DAB1: variants seen among roughly 807,000 people sequenced by gnomAD.
DAB1 encodes DAB adaptor protein 1, also known as disabled homolog 1.
A neutral mutation model predicts 64.6 loss-of-function variants in DAB1; 15 were observed. The observed-to-expected ratio is 0.23, with a 90% CI of 0.16 to 0.36. The LOEUF (loss-of-function observed/expected upper bound fraction) is 0.36, where lower values mean the gene tolerates loss of function less well. Among genes scored for constraint, DAB1 ranks in the 10% least tolerant of loss-of-function variants. DAB1 has a pLI of 1.00. For synonymous variants in DAB1, 235 were observed against 251.9 expected (o/e 0.93, Z 0.64); for missense variants, 596 against 706.7 (o/e 0.84, Z 1.78).
In DAB1 at chr1:58,360,714, CTGCGCTAA is replaced by C. The variant is rs1002735879; in HGVS notation, n.258-17319_258-17312del. On this transcript the variant is annotated intron_variant and non_coding_transcript_variant, in intron 3 of 20. Coordinates refer to the DAB1 transcript ENST00000485760. ...CAGAACATTTGCAGAAAGTCAAATA[CTGCGCTAA>C]TGAGAGAGTGTCAGGCTCAGGAGCA... is the stretch of plus-strand genomic sequence containing the variant. 1.6e-4 allele frequency among the ~76,000 whole-genome samples: 25 copies of C among 152,108 alleles called. No homozygotes were observed. In the East Asian group the frequency reaches 4.5e-3, roughly 27 times the overall value.
intron 6 of DAB1, among the ~76,000 whole-genome samples, chr1:57,763,963 C>G (rs10493232): frequency 0.2 from 30,948 of 152,046 alleles, 4,249 homozygotes; most frequent in East Asian, 0.5. Context: ...GTTTGTCTAT[C>G]AGGTAAGTAG....
intron 3 of DAB1, among the ~76,000 whole-genome samples, chr1:58,463,518 G>A (rs1162913757): frequency 6.6e-6 from 1 of 152,218 alleles, no homozygotes; most frequent in East Asian, 1.9e-4. Flanking sequence ...TCATGTTCAA[G>A]GCATATGGTG....
chr1:57,848,596 C>G (rs1328927315), intron 1 of DAB1, among the ~76,000 whole-genome samples: 1 of 152,160 alleles, frequency 6.6e-6, no homozygotes, highest in Non-Finnish European at 1.5e-5. Context: ...CTAGGCCAGA[C>G]AGAAGTAGCT....
intron 3 of DAB1, among the ~76,000 whole-genome samples, chr1:58,380,839 C>T (rs1047525217): frequency 2.6e-5 from 4 of 152,136 alleles, no homozygotes; most frequent in Non-Finnish European, 5.9e-5. Context: ...TAAGCTGGGA[C>T]GCATATATTC....
At chr1:58,529,036 C>T (rs929370679) in intron 1 of DAB1, among the ~76,000 whole-genome samples, 2 of 152,246 alleles carry the variant, frequency 1.3e-5, no homozygotes, top group African/African-American at 2.4e-5. Flanking sequence ...AAAATAACCA[C>T]ATTAATTCTT....
At chr1:58,215,440 G>T (rs1351926923) in intron 4 of DAB1, among the ~76,000 whole-genome samples, 1 of 150,108 alleles carries the variant, frequency 6.7e-6, no homozygotes, top group Non-Finnish European at 1.5e-5. Context: ...ATTTCCAAAA[G>T]ATATATGTAA....
chr1:57,693,472 C>T (rs1646788192), intron 6 of DAB1, among the ~76,000 whole-genome samples: 1 of 152,126 alleles, frequency 6.6e-6, no homozygotes, highest in South Asian at 2.1e-4. Flanking sequence ...ATTGTAAATG[C>T]ACTAAGCACT....
intron 7 of DAB1, among the ~76,000 whole-genome samples, chr1:57,582,174 C>A (rs115141329): frequency 3.5e-3 from 530 of 152,304 alleles, no homozygotes; most frequent in South Asian, 9.1e-3. Context: ...TATAAAGATA[C>A]CACCTGAGCC....
chr1:57,180,857 T>G (rs1662847423), intron 2 of DAB1, among the ~76,000 whole-genome samples: 1 of 152,164 alleles, frequency 6.6e-6, no homozygotes, highest in South Asian at 2.1e-4. Flanking sequence ...TCTACCCCAG[T>G]CTCCTGTAGA....
chr1:58,109,319 C>A (rs1424122358), intron 5 of DAB1, among the ~76,000 whole-genome samples: 2 of 152,182 alleles, frequency 1.3e-5, no homozygotes, highest in Non-Finnish European at 2.9e-5. Flanking sequence ...TAGGGTCAGG[C>A]CTCTGCCTGC....
At chr1:57,554,765 C>T (rs1644967157) in intron 7 of DAB1, among the ~76,000 whole-genome samples, 1 of 152,132 alleles carries the variant, frequency 6.6e-6, no homozygotes, top group Non-Finnish European at 1.5e-5. Flanking sequence ...TTTAATGAAA[C>T]ACTAGCCTAC....
intron 3 of DAB1, among the ~76,000 whole-genome samples, chr1:57,137,103 AAAT>A (rs1658193591): frequency 6.6e-6 from 1 of 152,202 alleles, no homozygotes; most frequent in African/African-American, 2.4e-5. Flanking sequence ...AGATAATAGA[AAAT>A]AAAAACAAAT....
intron 9 of DAB1, among the ~76,000 whole-genome samples, chr1:57,054,699 C>T (rs1173201924): frequency 3.9e-5 from 6 of 152,012 alleles, no homozygotes; most frequent in African/African-American, 1.4e-4. Flanking sequence ...AGGATGGTCT[C>T]GATCTCCTGA....
In DAB1 at chr1:57,946,370, C is replaced by T. The variant is rs116345458; in HGVS notation, n.388-62208G>A. On this transcript the variant is annotated intron_variant and non_coding_transcript_variant, in intron 5 of 20. Transcript: ENST00000485760. The stretch of plus-strand genomic sequence containing the variant: ...CTAATAGCAAGTCATGGTGCCCAAA[C>T]CCCTGACTGCTTGTTATTCCACAAA... 8.6e-3 allele frequency among the ~76,000 whole-genome samples: 1,306 copies of T among 152,300 alleles called. 15 individuals are homozygous for T. The highest frequency in any genetic ancestry group is 0.03 in the African/African-American group (1,236 of 41,554).
chr1:58,394,343 T>C (rs1644501262), intron 3 of DAB1, among the ~76,000 whole-genome samples: 4 of 152,244 alleles, frequency 2.6e-5, no homozygotes, highest in East Asian at 1.9e-4. Context: ...CCATATAACA[T>C]AGAAATCCTA....
At chr1:57,837,113 C>T (rs76061494) in intron 1 of DAB1, among the ~76,000 whole-genome samples, 252 of 152,306 alleles carry the variant, frequency 1.7e-3, no homozygotes, top group African/African-American at 5.8e-3. Flanking sequence ...TCTCAGGCTA[C>T]AACAGTAGTC....
At chr1:57,879,279 A>C (rs1331480941) in intron 1 of DAB1, among the ~76,000 whole-genome samples, 1 of 152,186 alleles carries the variant, frequency 6.6e-6, no homozygotes, top group East Asian at 1.9e-4. Context: ...CCATTTCCAG[A>C]AATGGTCCCT....
At chr1:58,023,454 G>C (rs1333947957) in intron 5 of DAB1, among the ~76,000 whole-genome samples, 1 of 152,090 alleles carries the variant, frequency 6.6e-6, no homozygotes, top group African/African-American at 2.4e-5. Flanking sequence ...AGGTTCTCTG[G>C]GGTGGGGTGT....
chr1:57,768,568 T>A (rs1441066208), intron 6 of DAB1, among the ~76,000 whole-genome samples: 1 of 149,922 alleles, frequency 6.7e-6, no homozygotes, highest in Non-Finnish European at 1.5e-5. Flanking sequence ...TAAATATATA[T>A]ATTATCTATA....
Sources: gnomAD v4.1 joint callset for allele counts (sites outside exome capture counted in the v4.1 genomes callset) on GRCh38, gnomAD v4.1.1 for gene constraint, MANE v1.5 for transcripts, NCBI Gene and HGNC (gene_info 2026-07-23, HGNC 2026-07-21) for gene names.